Variants in MRTFA observed in about 807,000 individuals in gnomAD.
MRTFA encodes myocardin related transcription factor A.
A neutral mutation model predicts 83.5 loss-of-function variants in MRTFA; 20 were observed. The ratio of observed to expected loss-of-function variants is 0.24; its 90% CI spans 0.17 to 0.35. The LOEUF (loss-of-function observed/expected upper bound fraction) is 0.35, where lower values mean the gene tolerates loss of function less well. Ranked by LOEUF, MRTFA falls within the 10% of genes least tolerant of loss-of-function variation. The pLI is 1.00. For synonymous variants in MRTFA, 659 were observed against 541.2 expected (o/e 1.22, Z -3.02); for missense variants, 1,200 against 1,224.7 (o/e 0.98, Z 0.30).
intron 1 of MRTFA, among the ~76,000 whole-genome samples, chr22:40,612,768 T>C (rs1220919674): frequency 6.6e-6 from 1 of 152,136 alleles, no homozygotes; most frequent in African/African-American, 2.4e-5. Flanking sequence ...GACAACATAG[T>C]AAGGCTCTGT....
In MRTFA at chr22:40,421,083, A is replaced by G; in HGVS notation, c.945T>C (p.Ser315=). The G allele has an allele frequency of 6.5e-7, 1 of 1,534,468 alleles. No individual in the cohort carries two copies. The highest frequency in any genetic ancestry group is 8.8e-7 in the Non-Finnish European group (1 of 1,138,612). ...TGCTGCGCTGTGACTTCTCACTGGC[A>G]GACTTGGGTTGGCTTTGCTGAGGGC... The change falls in exon 10 of 15, where the codon TCT becomes TCC. Residue 315 remains serine (S), a synonymous_variant. Coordinates refer to ENST00000355630, the MANE Select transcript of MRTFA (RefSeq NM_020831.6).
chr22:40,457,813 T>C (rs2053624130), intron 4 of MRTFA, among the ~76,000 whole-genome samples: 3 of 152,172 alleles, frequency 2.0e-5, no homozygotes, highest in Admixed American at 2.0e-4. Context: ...GATTCTCAAT[T>C]ATAAAAGACT....
chr22:40,476,332 T>C (rs1344488511), intron 3 of MRTFA, among the ~76,000 whole-genome samples: 3 of 152,208 alleles, frequency 2.0e-5, no homozygotes, highest in Non-Finnish European at 2.9e-5. Context: ...TGTCTCTGTG[T>C]TCCCTAACTT....
chr22:40,569,756 CATACATACATACATA>C (rs1569333064), intron 2 of MRTFA: 20 of 151,298 alleles, frequency 1.3e-4, no homozygotes, highest in East Asian at 9.7e-4. Context: ...TACATACATA[CATACATACATACATA>C]CATACATCAA....
chr22:40,606,284 C>T (rs1266708460), intron 1 of MRTFA, among the ~76,000 whole-genome samples: 1 of 152,076 alleles, frequency 6.6e-6, no homozygotes, highest in African/African-American at 2.4e-5. Context: ...GGGCATGTGG[C>T]CAAATAATCT....
At chr22:40,607,355 T>G (rs2056329878) in intron 1 of MRTFA, among the ~76,000 whole-genome samples, 1 of 151,992 alleles carries the variant, frequency 6.6e-6, no homozygotes, top group Admixed American at 6.6e-5. Flanking sequence ...ATACAAAAAA[T>G]TAGCAGGGCA....
intron 2 of MRTFA, among the ~76,000 whole-genome samples, chr22:40,576,014 A>C (rs1426527960): frequency 6.6e-6 from 1 of 150,974 alleles, no homozygotes; most frequent in Non-Finnish European, 1.5e-5. Context: ...CACCATATGT[A>C]TAGATGTAAA....
At chr22:40,509,260 G>A (rs897942506) in intron 3 of MRTFA, among the ~76,000 whole-genome samples, 1 of 152,146 alleles carries the variant, frequency 6.6e-6, no homozygotes, top group African/African-American at 2.4e-5. Flanking sequence ...TCCCCTATTA[G>A]GGAAATCACT....
At chr22:40,518,759 C>A (rs1284862679) in intron 3 of MRTFA, among the ~76,000 whole-genome samples, 1 of 133,014 alleles carries the variant, frequency 7.5e-6, no homozygotes, top group Non-Finnish European at 1.5e-5. Context: ...CATGCCACTG[C>A]ACTCCAGCCT....
At chr22:40,539,230 C>A (rs2055245248) in intron 3 of MRTFA, among the ~76,000 whole-genome samples, 1 of 151,788 alleles carries the variant, frequency 6.6e-6, no homozygotes, top group African/African-American at 2.4e-5. Context: ...GAACTCCTGG[C>A]CTCAAGTGAT....
chr22:40,543,633 TAA>T (rs1942945702), intron 3 of MRTFA, among the ~76,000 whole-genome samples: 1 of 152,144 alleles, frequency 6.6e-6, no homozygotes, highest in Non-Finnish European at 1.5e-5. Flanking sequence ...ACAATCTCAT[TAA>T]AACACACAAA....
At chr22:40,575,549 G>T (rs1407381559) in intron 2 of MRTFA, among the ~76,000 whole-genome samples, 2 of 152,182 alleles carry the variant, frequency 1.3e-5, no homozygotes, top group East Asian at 3.8e-4. Context: ...AAGACACACT[G>T]TTCCACATCT....
At chr22:40,514,268 T>TAAA (rs2054718892) in intron 3 of MRTFA, among the ~76,000 whole-genome samples, 1 of 151,402 alleles carries the variant, frequency 6.6e-6, no homozygotes. Context: ...AAATACATAA[T>TAAA]TAAATAAATA....
At chr22:40,419,971 C>T (rs975694756) in intron 11 of MRTFA, among the ~76,000 whole-genome samples, 1 of 152,158 alleles carries the variant, frequency 6.6e-6, no homozygotes, top group Non-Finnish European at 1.5e-5. Context: ...GGGGAAAATG[C>T]GGGCAGGGTT....
chr22:40,559,297 G>A (rs948929458), intron 2 of MRTFA, among the ~76,000 whole-genome samples: 3 of 152,094 alleles, frequency 2.0e-5, no homozygotes, highest in Admixed American at 2.0e-4. Context: ...GAGGTAAGAG[G>A]ATCACCTCGA....
chr22:40,531,413 G>C (rs2055080291), intron 3 of MRTFA, among the ~76,000 whole-genome samples: 1 of 151,750 alleles, frequency 6.6e-6, no homozygotes, highest in Non-Finnish European at 1.5e-5. Flanking sequence ...TAACATACAT[G>C]AACATGTCTC....
At chr22:40,439,377 C>A (rs1206997032) in intron 4 of MRTFA, among the ~76,000 whole-genome samples, 1 of 151,662 alleles carries the variant, frequency 6.6e-6, no homozygotes, top group Non-Finnish European at 1.5e-5. Context: ...TGGTGGCAGG[C>A]ACCTGTAATC....
intron 3 of MRTFA, among the ~76,000 whole-genome samples, chr22:40,471,884 A>G (rs1350292066): frequency 6.6e-6 from 1 of 152,214 alleles, no homozygotes; most frequent in Admixed American, 6.5e-5. Context: ...AAATAAATTA[A>G]AAATTAAAAA....
At chr22:40,497,909 G>A (rs2054383680) in intron 3 of MRTFA, among the ~76,000 whole-genome samples, 1 of 152,124 alleles carries the variant, frequency 6.6e-6, no homozygotes, top group Non-Finnish European at 1.5e-5. Context: ...CAAGGCTGGT[G>A]GACTGCTTGA....
Sources: gnomAD v4.1 joint callset for allele counts (sites outside exome capture counted in the v4.1 genomes callset) on GRCh38, gnomAD v4.1.1 for gene constraint, MANE v1.5 for transcripts, NCBI Gene and HGNC (gene_info 2026-07-23, HGNC 2026-07-21) for gene names.